Variants in EXOC2 observed in about 807,000 individuals in gnomAD.
EXOC2 encodes exocyst complex component 2.
A neutral mutation model predicts 131.8 loss-of-function variants in EXOC2; 70 were observed. That is an observed-to-expected ratio of 0.53 (90% CI 0.44 to 0.65). The LOEUF (loss-of-function observed/expected upper bound fraction) is 0.65, where lower values mean the gene tolerates loss of function less well. Ranked by LOEUF, EXOC2 falls within the 30% of genes least tolerant of loss-of-function variation. The probability of loss-of-function intolerance (pLI) is 0.00; values close to 1 mark genes in which losing one functional copy is unlikely to be tolerated. For synonymous variants in EXOC2, 411 were observed against 398.4 expected (o/e 1.03, Z -0.38); for missense variants, 923 against 1,108.6 (o/e 0.83, Z 2.38).
chr6:516,997 G>A (rs1765196942), intron 23 of EXOC2, among the ~76,000 whole-genome samples: 1 of 152,160 alleles, frequency 6.6e-6, no homozygotes, highest in African/African-American at 2.4e-5. Context: ...GCAATGACCT[G>A]AATGGAAGTG....
chr6:619,367 T>A (rs576076703), intron 5 of EXOC2, 63 bp downstream of exon 5: 22 of 1,337,954 alleles, frequency 1.6e-5, no homozygotes, highest in Non-Finnish European at 2.4e-5. Flanking sequence ...CGAGTTACCG[T>A]GTAATTCCAT....
chr6:562,921 G>T, intron 16 of EXOC2, 76 bp from the exon 17 acceptor site: 1 of 1,060,856 alleles, frequency 9.4e-7, no homozygotes, highest in Non-Finnish European at 1.3e-6. Context: ...AATGTATACA[G>T]GTTATGGTTT....
intron 22 of EXOC2, 102 bp from the exon 23 acceptor site, chr6:532,712 C>A: frequency 1.8e-6 from 2 of 1,117,978 alleles, no homozygotes; most frequent in South Asian, 2.9e-5. Context: ...AAAAGCACTT[C>A]TCAATTTTCC....
chr6:546,181 A>T (rs369463864), intron 22 of EXOC2, among the ~76,000 whole-genome samples: 3 of 151,890 alleles, frequency 2.0e-5, no homozygotes, highest in African/African-American at 7.3e-5. Flanking sequence ...TCTTACTTTT[A>T]TAAGTTGAAA....
At chr6:598,197 T>C (rs2127639317) in intron 9 of EXOC2, 74 bp from the exon 10 acceptor site, 1 of 1,270,440 alleles carries the variant, frequency 7.9e-7, no homozygotes, top group East Asian at 2.5e-5. Context: ...AGCAGAATAG[T>C]AGTTGCTTTT....
chr6:564,672 C>T lies in EXOC2; in HGVS notation c.1540G>A (p.Val514Met). 1 of 1,604,852 alleles carries T rather than the reference C, an allele frequency of 6.2e-7. No individual in the cohort carries two copies. Among genetic ancestry groups the T allele is most frequent in the Non-Finnish European group, 8.5e-7 (1 of 1,175,632 alleles). Residue 514 changes from valine to methionine, a missense_variant, in exon 15 of 28, where the codon GTG (valine) becomes ATG (methionine). Coordinates refer to ENST00000230449, the MANE Select transcript of EXOC2 (RefSeq NM_018303.6). ...KMIQEVMHSL[V>M]KLTRGALLPL... ...AGCAGGGCTCCGCGGGTAAGCTTCA[C>T]CAGGGAGTGCATTACTTCCTGAATC...
intron 1 of EXOC2, among the ~76,000 whole-genome samples, chr6:665,160 G>C (rs191525205): frequency 6.6e-6 from 1 of 152,218 alleles, no homozygotes; most frequent in Non-Finnish European, 1.5e-5. Context: ...ATATACAAAT[G>C]GCCAACAAAC....
chr6:557,160 G>A (rs1757456554), intron 17 of EXOC2, among the ~76,000 whole-genome samples: 1 of 152,254 alleles, frequency 6.6e-6, no homozygotes, highest in African/African-American at 2.4e-5. Context: ...TTCACTTTGT[G>A]CCAGGAACTA....
At chr6:598,719 C>A in intron 9 of EXOC2, 141 bp downstream of exon 9, 122 of 525,608 alleles carry the variant, frequency 2.3e-4, no homozygotes, top group Middle Eastern at 5.8e-4. Context: ...ACTGTTATTT[C>A]TGAAGTAATT....
Position 486,623 on chromosome 6 carries a change from A to G in EXOC2, c.*48T>C. On this transcript the variant is annotated 3_prime_UTR_variant, in exon 28 of 28. Coordinates refer to ENST00000230449, the MANE Select transcript of EXOC2 (RefSeq NM_018303.6). Reference sequence around the variant, plus strand: ...CCTTTAGGGTACTTAGAGAGTGAACAGTCTTATTACGTGTTATTTTCCTGG... The same window carrying G: ...CCTTTAGGGTACTTAGAGAGTGAACGGTCTTATTACGTGTTATTTTCCTGG... 2 of 1,482,982 alleles carry G rather than the reference A, an allele frequency of 1.3e-6. No homozygotes were observed. The highest frequency in any genetic ancestry group is 9.4e-7 in the Non-Finnish European group (1 of 1,061,820). 91.9% of individuals were successfully genotyped at this position (1,482,982 alleles called of 1,614,324 possible). A position where few individuals can be genotyped will look rare whatever the true frequency, so the allele number is the denominator to read the frequency against.
intron 21 of EXOC2, among the ~76,000 whole-genome samples, chr6:551,532 G>A (rs139421733): frequency 5.9e-5 from 9 of 152,116 alleles, no homozygotes; most frequent in South Asian, 4.1e-4. Context: ...GAGCTGCCGC[G>A]TCACAGGGAG....
At chr6:548,048 A>AT (rs760976638) in intron 22 of EXOC2, among the ~76,000 whole-genome samples, 10 of 152,238 alleles carry the variant, frequency 6.6e-5, no homozygotes, top group Non-Finnish European at 1.5e-4. Flanking sequence ...TTGTTGTTAT[A>AT]TAAAAACAAA....
chr6:582,361 C>CTACA (rs1337883939), intron 11 of EXOC2, among the ~76,000 whole-genome samples: 1 of 152,162 alleles, frequency 6.6e-6, no homozygotes, highest in Non-Finnish European at 1.5e-5. Context: ...TTCATGCCTA[C>CTACA]TACAGCAAGT....
chr6:540,018 T>C (rs927877135), intron 22 of EXOC2, among the ~76,000 whole-genome samples: 4 of 152,188 alleles, frequency 2.6e-5, no homozygotes, highest in Non-Finnish European at 4.4e-5. Flanking sequence ...AAACTACAGA[T>C]GAAACAGGAT....
At chr6:537,312 ACGAGATGACGGCCGACGGAGCGTACACT>A (rs1766513776) in intron 22 of EXOC2, among the ~76,000 whole-genome samples, 1 of 102,016 alleles carries the variant, frequency 9.8e-6, no homozygotes, top group African/African-American at 3.8e-5. Flanking sequence ...GAGCGCACAC[ACGAGATGACGGCCGACGGAGCGTACACT>A]CGAGTTGACG....
chr6:500,222 A>G (rs1182081813), intron 23 of EXOC2, among the ~76,000 whole-genome samples: 1 of 152,244 alleles, frequency 6.6e-6, no homozygotes, highest in Non-Finnish European at 1.5e-5. Context: ...AAGTCAAGTT[A>G]TTGAGCAGAA....
At chr6:571,503 T>C (rs1400973604) in intron 13 of EXOC2, among the ~76,000 whole-genome samples, 5 of 152,214 alleles carry the variant, frequency 3.3e-5, no homozygotes, top group Non-Finnish European at 5.9e-5. Context: ...TCTATTTCCT[T>C]AATATCAGCA....
intron 23 of EXOC2, among the ~76,000 whole-genome samples, chr6:518,517 C>A (rs945633293): frequency 5.3e-5 from 8 of 152,136 alleles, no homozygotes; most frequent in African/African-American, 7.2e-5. Flanking sequence ...ATAAGACATG[C>A]AATGAAGAAA....
chr6:499,886 A>C (rs1188835114), intron 23 of EXOC2, among the ~76,000 whole-genome samples, 186 bp from the exon 24 acceptor site: 1 of 152,208 alleles, frequency 6.6e-6, no homozygotes, highest in African/African-American at 2.4e-5. Context: ...AAGAAAAAAA[A>C]AGAAATGAGA....
Sources: allele counts gnomAD v4.1 joint callset (sites outside exome capture counted in the v4.1 genomes callset), GRCh38; gene constraint gnomAD v4.1.1; transcripts MANE v1.5; gene names NCBI Gene and HGNC (gene_info 2026-07-23, HGNC 2026-07-21).